The following ITGA4 variants were observed in gnomAD, a reference collection of about 807,000 sequenced individuals.
The protein encoded by ITGA4 is integrin alpha-4.
ITGA4 carries 63 observed loss-of-function variants against 133.6 expected under a neutral mutation model. The observed-to-expected ratio is 0.47, with a 90% CI of 0.38 to 0.58. The LOEUF is 0.58. Among genes scored for constraint, ITGA4 ranks in the 20% least tolerant of loss-of-function variants. ITGA4 has a pLI of 0.00. For missense variants in ITGA4, 1,076 were observed against 1,252.7 expected (o/e 0.86, Z 2.13); for synonymous variants, 483 against 438.0 (o/e 1.10, Z -1.28).
intron 23 of ITGA4, 104 bp downstream of exon 23, chr2:181,529,752 G>GTT: frequency 1.6e-6 from 1 of 638,856 alleles, no homozygotes; most frequent in South Asian, 2.0e-5. Context: ...ATGGATAATT[G>GTT]TTAACTTACT....
chr2:181,530,656 T>A lies in ITGA4; in HGVS notation c.2664+7T>A. ...GACTGATAAGAGGCTATTGGTAAGT[T>A]TCAGTTTTTCAGGTTGTAGTTCCTG... On this transcript the variant is annotated splice_region_variant and intron_variant, in intron 24 of 27. Coordinates refer to ENST00000397033, the MANE Select transcript of ITGA4 (RefSeq NM_000885.6). 6.2e-7 allele frequency: 1 copy of A among 1,607,302 alleles called. No individual in the cohort carries two copies. Among genetic ancestry groups the A allele is most frequent in the Non-Finnish European group, 8.5e-7 (1 of 1,175,512 alleles).
At chr2:181,488,038 T>C (rs1559044442) in intron 10 of ITGA4, among the ~76,000 whole-genome samples, 1 of 152,244 alleles carries the variant, frequency 6.6e-6, no homozygotes, top group South Asian at 2.1e-4. Context: ...GACCATTCAC[T>C]ATTTTTACTC....
intron 16 of ITGA4, 52 bp from the exon 17 acceptor site, chr2:181,511,641 TATATAA>T (rs1184540892): frequency 2.3e-6 from 2 of 884,288 alleles, no homozygotes; most frequent in East Asian, 2.5e-5. Context: ...CTTTAAAATA[TATATAA>T]ATATACTTGC....
At chr2:181,520,375 A>C (rs1050266544) in intron 17 of ITGA4, among the ~76,000 whole-genome samples, 20 of 152,092 alleles carry the variant, frequency 1.3e-4, no homozygotes, top group African/African-American at 4.8e-4. Flanking sequence ...TTGTGCAGTG[A>C]AAGTGAAGCA....
chr2:181,538,114 T>C lies in ITGA4; in HGVS notation c.*2587T>C, dbSNP rs752139907. The C allele has an allele frequency of 1.8e-5, 20 of 1,097,606 alleles. No homozygotes were observed. The highest frequency in any genetic ancestry group is 2.8e-5 in the Non-Finnish European group (20 of 717,584). The allele number at this position is 1,097,606 out of a possible 1,614,324, so 68.0% of individuals were successfully genotyped here. A position where few individuals can be genotyped will look rare whatever the true frequency, so the allele number is the denominator to read the frequency against. Reference sequence around the variant, plus strand: ...TCCCAAAAAGGGTGGGGACCACAGGTTTAAAGCATGGCCACATTTCTTTAT... The same window carrying C: ...TCCCAAAAAGGGTGGGGACCACAGGCTTAAAGCATGGCCACATTTCTTTAT... On this transcript the variant is annotated 3_prime_UTR_variant, in exon 28 of 28. Coordinates refer to ENST00000397033, the MANE Select transcript of ITGA4 (RefSeq NM_000885.6).
chr2:181,496,656 G>A (rs1686164600), intron 14 of ITGA4, among the ~76,000 whole-genome samples: 1 of 152,066 alleles, frequency 6.6e-6, no homozygotes, highest in South Asian at 2.1e-4. Flanking sequence ...ATGTATATAT[G>A]ACTTTATAAG....
chr2:181,526,339 T>C (rs1027568983), intron 21 of ITGA4, among the ~76,000 whole-genome samples: 1 of 152,226 alleles, frequency 6.6e-6, no homozygotes, highest in Admixed American at 6.5e-5. Context: ...CCTAAATCTA[T>C]GCTGGTTACT....
chr2:181,524,311 A>G lies in ITGA4; in HGVS notation c.2249+61A>G, dbSNP rs568312258. On this transcript the variant is annotated intron_variant, in intron 20 of 27. Transcript: ENST00000397033. Reference sequence around the variant, plus strand: ...TACCCCCATATTCTGAGGGGGGGGAATTAGGAGAACCGTAAAACTGTGTTC... The same window carrying G: ...TACCCCCATATTCTGAGGGGGGGGAGTTAGGAGAACCGTAAAACTGTGTTC... The G allele has an allele frequency of 1.6e-4, 153 of 927,446 alleles. No individual in the cohort carries two copies. The African/African-American group carries it at 2.5e-3, about 15-fold the overall frequency. The allele number at this position is 927,446 out of a possible 1,614,324, so 57.5% of individuals were successfully genotyped here. A position where few individuals can be genotyped will look rare whatever the true frequency, so the allele number is the denominator to read the frequency against.
At position 181,457,431 on chromosome 2, in the gene ITGA4, G is replaced by A; in HGVS notation, c.-224G>A. 1 of 500,188 alleles carries A rather than the reference G, an allele frequency of 2.0e-6. No homozygotes were observed. Among genetic ancestry groups the A allele is most frequent in the Non-Finnish European group, 3.5e-6 (1 of 282,840 alleles). 31.0% of individuals were successfully genotyped at this position (500,188 alleles called of 1,614,324 possible). A position where few individuals can be genotyped will look rare whatever the true frequency, so the allele number is the denominator to read the frequency against. ...AGCTCCCGGCTGGCGGCAGAAACCG[G>A]GAGTGGGGCCGGGCGAGTGCGCGGC... On this transcript the variant is annotated 5_prime_UTR_variant, in exon 1 of 28. Transcript: ENST00000397033.
rs1411570341 is a variant in ITGA4, at chr2:181,538,940, A to G, written c.*3413A>G. ...GTAAAGTTGCTTTTTATTTATTGAA[A>G]TTTGTGCATGTCTCTTTATGCTTCC... On this transcript the variant is annotated 3_prime_UTR_variant, in exon 28 of 28. Transcript: ENST00000397033. 3 of 644,914 alleles carry G rather than the reference A, an allele frequency of 4.7e-6. No homozygotes were observed. The African/African-American group carries it at 5.5e-5, about 12-fold the overall frequency. 39.9% of individuals were successfully genotyped at this position (644,914 alleles called of 1,614,324 possible).
rs116673518 is a variant in ITGA4, at chr2:181,520,141, A to G, written c.1923-2050A>G. 3.0e-3 allele frequency among the ~76,000 whole-genome samples: 450 copies of G among 152,158 alleles called. 2 individuals carry two copies. The highest frequency in any genetic ancestry group is 0.011 in the African/African-American group (440 of 41,532). ...TGAGAGAGGGAGAAGCTGCCACCTTACGCTGTTAGGGGAGAGCAATGCAGG... is the reference window on the plus strand; with the variant it reads ...TGAGAGAGGGAGAAGCTGCCACCTTGCGCTGTTAGGGGAGAGCAATGCAGG... On this transcript the variant is annotated intron_variant, in intron 17 of 27. Transcript: ENST00000397033.
At chr2:181,487,716 A>C (rs1574390721) in intron 10 of ITGA4, among the ~76,000 whole-genome samples, 1 of 152,236 alleles carries the variant, frequency 6.6e-6, no homozygotes, top group African/African-American at 2.4e-5. Flanking sequence ...GGTCAGATGT[A>C]CCATACCAGG....
intron 17 of ITGA4, among the ~76,000 whole-genome samples, chr2:181,515,121 T>G (rs1214176855): frequency 6.6e-6 from 1 of 152,040 alleles, no homozygotes; most frequent in African/African-American, 2.4e-5. Flanking sequence ...TTAATAGAGC[T>G]CCAAGTTCTT....
At chr2:181,534,209 T>A (rs1292156279) in intron 25 of ITGA4, 63 bp from the exon 26 acceptor site, 3 of 1,004,972 alleles carry the variant, frequency 3.0e-6, no homozygotes, top group Non-Finnish European at 3.1e-6. Context: ...AAGGTAAAGA[T>A]CCTGATAAAT....
intron 15 of ITGA4, among the ~76,000 whole-genome samples, chr2:181,505,111 ACTT>A (rs1210955472): frequency 7.3e-6 from 1 of 136,534 alleles, no homozygotes; most frequent in African/African-American, 2.7e-5. Context: ...AGGTGGCCCT[ACTT>A]CTTCTGTATT....
chr2:181,521,423 C>A (rs750392634), intron 17 of ITGA4, among the ~76,000 whole-genome samples: 3 of 152,052 alleles, frequency 2.0e-5, no homozygotes, highest in African/African-American at 7.2e-5. Flanking sequence ...GTATACATAA[C>A]CCAGATCTTC....
chr2:181,460,473 T>G (rs1221868380), intron 2 of ITGA4, among the ~76,000 whole-genome samples: 1 of 152,080 alleles, frequency 6.6e-6, no homozygotes, highest in Non-Finnish European at 1.5e-5. Context: ...ATAAAGATAA[T>G]TTAGGATTCT....
chr2:181,457,694 G>T lies in ITGA4; in HGVS notation c.40G>T (p.Ala14Ser). The T allele has an allele frequency of 6.2e-7, 1 of 1,611,746 alleles. No homozygotes were observed. Among genetic ancestry groups the T allele is most frequent in the Non-Finnish European group, 8.5e-7 (1 of 1,179,550 alleles). Residue 14 changes from alanine to serine, a missense_variant, in exon 1 of 28, where the codon GCC (alanine) becomes TCC (serine). This residue lies in a region of ITGA4 where 82 missense variants were observed against 68.3 expected (regional missense o/e 1.20). Transcript: ENST00000397033. The stretch of plus-strand genomic sequence containing the variant: ...GAGGCGCGAACCCGGCCCCCGAAGG[G>T]CCGCCGTCCGGGAGACGGTGATGCT... Reference protein sequence around the residue: ...EARREPGPRRAAVRETVMLLL... With the variant: ...EARREPGPRRSAVRETVMLLL...
intron 2 of ITGA4, among the ~76,000 whole-genome samples, chr2:181,468,646 C>T (rs1424111696): frequency 6.6e-6 from 1 of 152,094 alleles, no homozygotes; most frequent in African/African-American, 2.4e-5. Context: ...ATGTATTTAA[C>T]TAGCTTTGTA....
Sources: gnomAD v4.1 joint callset for allele counts (sites outside exome capture counted in the v4.1 genomes callset) on GRCh38, gnomAD v4.1.1 for gene constraint, gnomAD v4.1.1 regional missense constraint, MANE v1.5 for transcripts, NCBI Gene and HGNC (gene_info 2026-07-23, HGNC 2026-07-21) for gene names.